Variants in RAPGEF1 observed in about 807,000 individuals in gnomAD.
RAPGEF1 encodes Rap guanine nucleotide exchange factor 1.
RAPGEF1 carries 33 observed loss-of-function variants against 143.3 expected under a neutral mutation model. The observed-to-expected ratio is 0.23, with a 90% CI of 0.17 to 0.31. RAPGEF1 has a LOEUF of 0.31. RAPGEF1 is among the 10% of genes least tolerant of loss of function. RAPGEF1 has a pLI of 1.00. For synonymous variants in RAPGEF1, 629 were observed against 676.5 expected (o/e 0.93, Z 1.09); for missense variants, 1,199 against 1,645.4 (o/e 0.73, Z 4.69).
In RAPGEF1 at chr9:131,610,423, G is replaced by A. The variant is rs150654954; in HGVS notation, c.2062-5235C>T. Among the ~76,000 whole-genome samples, 503 of 152,362 alleles carry A rather than the reference G, an allele frequency of 3.3e-3. 5 individuals are homozygous for A. The highest frequency in any genetic ancestry group is 0.027 in the Middle Eastern group (8 of 294). ...GCTCCACCAGTTACAGCGAAATGTG[G>A]TCATGTAAATGAATGGATTCACTGG... On this transcript the variant is annotated intron_variant, in intron 12 of 26. Transcript: ENST00000683357.
chr9:131,657,795 GCAGCCCGA>G (rs1297023807), intron 1 of RAPGEF1, among the ~76,000 whole-genome samples: 1 of 152,194 alleles, frequency 6.6e-6, no homozygotes, highest in African/African-American at 2.4e-5. Context: ...TTCCCTACAG[GCAGCCCGA>G]CTCTGACTTT....
rs190704994 is a variant in RAPGEF1 at position 131,593,664 on chromosome 9, C to T, written c.2690-1481G>A. On this transcript the variant is annotated intron_variant, in intron 17 of 26. Transcript: ENST00000683357. The stretch of plus-strand genomic sequence containing the variant: ...TTGCATCAAACGAGAGGAAAACCCA[C>T]GCCTGCTCTTGCACTGGGGGCTGCG... Among the ~76,000 whole-genome samples the T allele has an allele frequency of 1.8e-3, 275 of 152,342 alleles. 1 individual carries two copies. The highest frequency in any genetic ancestry group is 3.4e-3 in the Middle Eastern group (1 of 294).
intron 1 of RAPGEF1, among the ~76,000 whole-genome samples, chr9:131,717,805 A>G: frequency 7.0e-6 from 1 of 143,360 alleles, no homozygotes. Flanking sequence ...GGGGAAAAAG[A>G]GCGGGGGATG....
At chr9:131,613,294 T>C (rs747574993) in intron 12 of RAPGEF1, among the ~76,000 whole-genome samples, 12 of 151,964 alleles carry the variant, frequency 7.9e-5, no homozygotes, top group Non-Finnish European at 1.5e-4. Context: ...GAAACTCGTA[T>C]GTTGGGAAGG....
At chr9:131,620,442 G>A (rs1282019812) in intron 11 of RAPGEF1, among the ~76,000 whole-genome samples, 1 of 152,064 alleles carries the variant, frequency 6.6e-6, no homozygotes, top group African/African-American at 2.4e-5. Context: ...TTAGGCAAGG[G>A]GTCTCTAAAT....
intron 1 of RAPGEF1, among the ~76,000 whole-genome samples, chr9:131,713,136 AG>A (rs777238560): frequency 1.4e-3 from 216 of 152,352 alleles, no homozygotes; most frequent in Non-Finnish European, 2.4e-3. Flanking sequence ...CAGAAGCAGA[AG>A]GCTGACTGCA....
At chr9:131,684,142 A>G (rs1833142743) in intron 1 of RAPGEF1, among the ~76,000 whole-genome samples, 1 of 152,258 alleles carries the variant, frequency 6.6e-6, no homozygotes, top group Non-Finnish European at 1.5e-5. Context: ...CAAATGGTAC[A>G]TTCTTCATCT....
chr9:131,703,210 G>A (rs1325594872), intron 1 of RAPGEF1, among the ~76,000 whole-genome samples: 2 of 152,132 alleles, frequency 1.3e-5, no homozygotes, highest in African/African-American at 4.8e-5. Flanking sequence ...GTGTGGTCCA[G>A]GCTGGTCTTG....
intron 3 of RAPGEF1, among the ~76,000 whole-genome samples, chr9:131,648,829 T>C (rs1970352855): frequency 1.3e-5 from 2 of 152,168 alleles, no homozygotes; most frequent in South Asian, 4.1e-4. Context: ...GATATTCTGC[T>C]GGTCAACATA....
At chr9:131,723,301 T>A (rs1463190568) in intron 1 of RAPGEF1, among the ~76,000 whole-genome samples, 1 of 152,214 alleles carries the variant, frequency 6.6e-6, no homozygotes, top group African/African-American at 2.4e-5. Context: ...ACATTTGCCA[T>A]CTTAATCATT....
chr9:131,662,886 C>T (rs1457900594), intron 1 of RAPGEF1, among the ~76,000 whole-genome samples: 2 of 152,112 alleles, frequency 1.3e-5, no homozygotes, highest in Non-Finnish European at 2.9e-5. Flanking sequence ...CTAGGCTGGT[C>T]TCGAGCTCCT....
chr9:131,600,824 C>T (rs541219912), intron 15 of RAPGEF1, among the ~76,000 whole-genome samples: 7 of 152,236 alleles, frequency 4.6e-5, no homozygotes, highest in South Asian at 4.1e-4. Flanking sequence ...AAATCTACTA[C>T]GTATTTCTAC....
chr9:131,664,890 C>T (rs1830181534), intron 1 of RAPGEF1, among the ~76,000 whole-genome samples: 1 of 152,182 alleles, frequency 6.6e-6, no homozygotes, highest in African/African-American at 2.4e-5. Flanking sequence ...TAAAAAACTA[C>T]ATAACTTCTG....
chr9:131,602,158 A>C lies in RAPGEF1; in HGVS notation c.2413-9T>G, dbSNP rs1956376923. On this transcript the variant is annotated splice_polypyrimidine_tract_variant and intron_variant, in intron 14 of 26. Transcript: ENST00000683357. The stretch of plus-strand genomic sequence containing the variant: ...TTCCCAGCCGGTGGCTCCTGGAAAG[A>C]GGAGTGGGTGCTGAGTTCTGGACAG... 1.9e-6 allele frequency: 3 copies of C among 1,572,984 alleles called. No individual in the cohort carries two copies. The highest frequency in any genetic ancestry group is 2.6e-6 in the Non-Finnish European group (3 of 1,159,304).
intron 1 of RAPGEF1, among the ~76,000 whole-genome samples, chr9:131,722,623 G>A (rs1426082318): frequency 3.9e-5 from 6 of 152,240 alleles, no homozygotes; most frequent in Non-Finnish European, 8.8e-5. Flanking sequence ...CTTGCCAGGG[G>A]ACAGCAGGGG....
intron 13 of RAPGEF1, among the ~76,000 whole-genome samples, chr9:131,604,339 A>T (rs1956760655): frequency 6.6e-6 from 1 of 152,178 alleles, no homozygotes; most frequent in African/African-American, 2.4e-5. Context: ...GAGAAGCAAC[A>T]CATCAAGACA....
rs564333414 is a variant in RAPGEF1, at chr9:131,606,285, C to T, written c.2062-1097G>A. ...TCCAGGACCTGGTCAGCAGCCACCACGTGGAGAGAATCTAATGATGTGATG... is the reference window on the plus strand; with the variant it reads ...TCCAGGACCTGGTCAGCAGCCACCATGTGGAGAGAATCTAATGATGTGATG... On this transcript the variant is annotated intron_variant, in intron 12 of 26. Transcript: ENST00000683357. Among the ~76,000 whole-genome samples, 28 of 152,266 alleles carry T rather than the reference C, an allele frequency of 1.8e-4. No homozygotes were observed. The South Asian group carries it at 5.4e-3, about 29-fold the overall frequency.
intron 1 of RAPGEF1, among the ~76,000 whole-genome samples, chr9:131,734,866 C>T (rs541607652): frequency 5.9e-5 from 9 of 152,282 alleles, no homozygotes; most frequent in African/African-American, 1.7e-4. Context: ...GCACACTGAG[C>T]GTGAGACACC....
intron 1 of RAPGEF1, among the ~76,000 whole-genome samples, chr9:131,657,077 A>G (rs767076333): frequency 3.9e-5 from 6 of 152,260 alleles, no homozygotes; most frequent in Admixed American, 2.0e-4. Context: ...ACCTTGGGTT[A>G]GCAGCACAGG....
Sources: gnomAD v4.1 joint callset for allele counts (sites outside exome capture counted in the v4.1 genomes callset) on GRCh38, gnomAD v4.1.1 for gene constraint, MANE v1.5 for transcripts, NCBI Gene and HGNC (gene_info 2026-07-23, HGNC 2026-07-21) for gene names.